CADPS2: variants seen among roughly 807,000 people sequenced by gnomAD.
CADPS2 encodes calcium dependent secretion activator 2.
A neutral mutation model predicts 172.5 loss-of-function variants in CADPS2; 93 were observed. The observed-to-expected ratio is 0.54, with a 90% CI of 0.46 to 0.64. The LOEUF (loss-of-function observed/expected upper bound fraction) is 0.64, where lower values mean the gene tolerates loss of function less well. Among genes scored for constraint, CADPS2 ranks in the 30% least tolerant of loss-of-function variants. The pLI is 0.00. For missense variants in CADPS2, 1,420 were observed against 1,565.9 expected, an observed-to-expected ratio of 0.91 and a Z score of 1.57; for synonymous variants, 546 against 555.2, an observed-to-expected ratio of 0.98 and a Z score of 0.23.
chr7:122,649,390 C>T (rs1344814816), intron 3 of CADPS2, among the ~76,000 whole-genome samples: 1 of 152,168 alleles, frequency 6.6e-6, no homozygotes, highest in Non-Finnish European at 1.5e-5. Context: ...CCCAACTAGA[C>T]TGTTCCCAGC....
intron 17 of CADPS2, among the ~76,000 whole-genome samples, chr7:122,435,001 G>A (rs969103145): frequency 1.2e-4 from 18 of 149,732 alleles, no homozygotes; most frequent in Admixed American, 6.0e-4. Flanking sequence ...CAGGTTTTTT[G>A]CTTTAAATTT....
At chr7:122,469,229 A>G (rs762988125) in intron 14 of CADPS2, among the ~76,000 whole-genome samples, 8 of 152,294 alleles carry the variant, frequency 5.3e-5, no homozygotes, top group Middle Eastern at 3.4e-3. Context: ...AAACACATAT[A>G]TTTTGGGGGC....
chr7:122,625,786 C>T (rs570073044), intron 4 of CADPS2, among the ~76,000 whole-genome samples: 2 of 152,018 alleles, frequency 1.3e-5, no homozygotes, highest in East Asian at 3.9e-4. Flanking sequence ...TGCCCTCCCA[C>T]ACACACACAC....
intron 7 of CADPS2, among the ~76,000 whole-genome samples, chr7:122,556,719 C>A (rs1191693809): frequency 6.6e-6 from 1 of 152,052 alleles, no homozygotes; most frequent in Non-Finnish European, 1.5e-5. Flanking sequence ...GGATTTATTG[C>A]TCAGCTCTGT....
chr7:122,456,554 G>A (rs2053808855), intron 14 of CADPS2, among the ~76,000 whole-genome samples: 1 of 152,090 alleles, frequency 6.6e-6, no homozygotes, highest in Non-Finnish European at 1.5e-5. Context: ...AGTCAAAAAA[G>A]TTATGACATA....
At chr7:122,528,487 T>C (rs772533000) in intron 8 of CADPS2, among the ~76,000 whole-genome samples, 3 of 152,278 alleles carry the variant, frequency 2.0e-5, no homozygotes, top group Non-Finnish European at 2.9e-5. Context: ...ACAAAAATTA[T>C]AACGTTCAGC....
intron 3 of CADPS2, among the ~76,000 whole-genome samples, chr7:122,635,780 G>A (rs2077013577): frequency 6.6e-6 from 1 of 152,120 alleles, no homozygotes; most frequent in Non-Finnish European, 1.5e-5. Flanking sequence ...GAATCTTTGT[G>A]CTCCAGTGTT....
rs903961747 is a variant in CADPS2 at position 122,516,563 on chromosome 7, T to C, written c.1476-3248A>G. On this transcript the variant is annotated intron_variant, in intron 8 of 29. Transcript: ENST00000449022. The stretch of plus-strand genomic sequence containing the variant: ...TTAGAGTAAATACATGAAGAAGGAA[T>C]GAAGATAAAAATGTTCATCAATATT... Among the ~76,000 whole-genome samples the C allele has an allele frequency of 3.3e-5, 5 of 151,604 alleles. No homozygotes were observed. In the East Asian group the frequency reaches 7.8e-4, roughly 24 times the overall value.
chr7:122,407,640 T>C lies in CADPS2; in HGVS notation c.2646A>G (p.Leu882=). Residue 882 remains leucine (L), a synonymous_variant, in exon 20 of 30, where the codon TTA becomes TTG. Coordinates refer to ENST00000449022, the MANE Select transcript of CADPS2 (RefSeq NM_017954.11). ...GTGCAGTGTCCATATCCACTGTAAA[T>C]AAAGCCCAAAATTTCTCTGCATGTT... ...LAEHAEKFWA[L]FTVDMDTALE... 7 of 1,612,136 alleles carry C rather than the reference T, an allele frequency of 4.3e-6. No homozygotes were observed. Among genetic ancestry groups the C allele is most frequent in the Non-Finnish European group, 5.9e-6 (7 of 1,179,104 alleles).
At chr7:122,644,463 C>A (rs2078078517) in intron 3 of CADPS2, among the ~76,000 whole-genome samples, 1 of 152,128 alleles carries the variant, frequency 6.6e-6, no homozygotes, top group African/African-American at 2.4e-5. Flanking sequence ...TCTTACTGTG[C>A]AACTTTTCAG....
intron 2 of CADPS2, among the ~76,000 whole-genome samples, chr7:122,709,384 A>G (rs1588635719): frequency 6.6e-6 from 1 of 152,022 alleles, no homozygotes; most frequent in Non-Finnish European, 1.5e-5. Flanking sequence ...TTAGAATGGC[A>G]ATCATTAAAA....
At chr7:122,471,290 C>T in intron 14 of CADPS2, 85 bp downstream of exon 14, 1 of 532,564 alleles carries the variant, frequency 1.9e-6, no homozygotes. Flanking sequence ...CAATCTGTTA[C>T]TGGGTGATAA....
At chr7:122,504,521 C>T (rs1251619885) in intron 9 of CADPS2, among the ~76,000 whole-genome samples, 1 of 152,204 alleles carries the variant, frequency 6.6e-6, no homozygotes. Flanking sequence ...GTCTCCTGGC[C>T]TCACTTGGCT....
chr7:122,759,527 G>A (rs185407153), intron 1 of CADPS2, among the ~76,000 whole-genome samples: 32 of 152,258 alleles, frequency 2.1e-4, no homozygotes, highest in African/African-American at 7.2e-4. Flanking sequence ...GGTAGAGGTA[G>A]TGTTTCTGAG....
chr7:122,670,656 C>T (rs2081731239), intron 2 of CADPS2, among the ~76,000 whole-genome samples: 1 of 151,934 alleles, frequency 6.6e-6, no homozygotes. Context: ...AGCCACCACG[C>T]CTGGCTAATT....
At chr7:122,417,408 TG>T (rs1364422847) in intron 17 of CADPS2, among the ~76,000 whole-genome samples, 1 of 152,190 alleles carries the variant, frequency 6.6e-6, no homozygotes, top group Non-Finnish European at 1.5e-5. Flanking sequence ...GTAATTCTTT[TG>T]AAAAATCAGT....
At chr7:122,332,617 A>T (rs2035163890) in intron 28 of CADPS2, among the ~76,000 whole-genome samples, 2 of 152,178 alleles carry the variant, frequency 1.3e-5, no homozygotes, top group Non-Finnish European at 2.9e-5. Flanking sequence ...TTGAATGCTG[A>T]AAAACTTTCC....
chr7:122,425,546 C>T (rs910315478), intron 17 of CADPS2, among the ~76,000 whole-genome samples: 9 of 151,522 alleles, frequency 5.9e-5, no homozygotes, highest in Non-Finnish European at 1.2e-4. Context: ...GCAGAGGCTA[C>T]GGTGAGCTGT....
chr7:122,703,072 C>T (rs1200051847), intron 2 of CADPS2: 1 of 236,588 alleles, frequency 4.2e-6, no homozygotes, highest in East Asian at 9.4e-5. Flanking sequence ...TCCTGAAATC[C>T]TATTGGCCAA....
Sources: gnomAD v4.1 joint callset for allele counts (sites outside exome capture counted in the v4.1 genomes callset) on GRCh38, gnomAD v4.1.1 for gene constraint, MANE v1.5 for transcripts, NCBI Gene and HGNC (gene_info 2026-07-23, HGNC 2026-07-21) for gene names.